The following EFNA5 variants were observed in gnomAD, a reference collection of about 807,000 sequenced individuals.
EFNA5 encodes ephrin A5, also known as ephrin-A5.
A neutral mutation model predicts 22.9 loss-of-function variants in EFNA5; 5 were observed. The observed-to-expected ratio is 0.22, with a 90% CI of 0.11 to 0.46. The LOEUF is 0.46. Among genes scored for constraint, EFNA5 ranks in the 20% least tolerant of loss-of-function variants. The pLI, the probability that EFNA5 is intolerant of heterozygous loss-of-function variation, is 0.99. For missense variants in EFNA5, 237 were observed against 293.3 expected (o/e 0.81, Z 1.40); for synonymous variants, 113 against 112.2 (o/e 1.01, Z -0.04).
At chr5:107,665,831 G>C (rs1295927897) in intron 1 of EFNA5, among the ~76,000 whole-genome samples, 1 of 152,064 alleles carries the variant, frequency 6.6e-6, no homozygotes, top group Admixed American at 6.6e-5. Flanking sequence ...ATTAAAAAGG[G>C]GGGAGGGTCA....
chr5:107,441,015 ATT>A (rs796829616), intron 1 of EFNA5, among the ~76,000 whole-genome samples: 3 of 139,812 alleles, frequency 2.1e-5, no homozygotes, highest in African/African-American at 5.2e-5. Flanking sequence ...AAAAACTTGG[ATT>A]TTTTTTTTTT....
In EFNA5 at chr5:107,511,041, T is replaced by TGTGTGTGTGTGTGA. The variant is rs1363882358; in HGVS notation, c.126-83533_126-83532insTCACACACACACAC. Among the ~76,000 whole-genome samples the TGTGTGTGTGTGTGA allele has an allele frequency of 1.5e-3, 224 of 149,836 alleles. 3 individuals carry two copies. The highest frequency in any genetic ancestry group is 5.3e-3 in the African/African-American group (214 of 40,140). On this transcript the variant is annotated intron_variant, in intron 1 of 4. Coordinates refer to ENST00000333274, the MANE Select transcript of EFNA5 (RefSeq NM_001962.3). ...GTGTGTGTGTGTGTGTGTGTGTGTG[T>TGTGTGTGTGTGTGA]GAGACGGAGAGTTTTGCTCTTGTTG... is the stretch of plus-strand genomic sequence containing the variant.
intron 2 of EFNA5, among the ~76,000 whole-genome samples, chr5:107,421,326 T>C (rs770825569): frequency 2.6e-5 from 4 of 152,210 alleles, no homozygotes; most frequent in South Asian, 4.1e-4. Context: ...ATATAACAAA[T>C]GCTGGAAAAA....
intron 1 of EFNA5, among the ~76,000 whole-genome samples, chr5:107,505,058 G>T (rs918874454): frequency 5.3e-5 from 8 of 151,994 alleles, no homozygotes; most frequent in African/African-American, 1.7e-4. Context: ...AATAATAAAG[G>T]ACAAGCTCTG....
rs554812763 is a variant in EFNA5, at chr5:107,635,926, C to T, written c.125+34563G>A. Among the ~76,000 whole-genome samples, 6 of 152,150 alleles carry T rather than the reference C, an allele frequency of 3.9e-5. No homozygotes were observed. In the South Asian group the frequency reaches 6.2e-4, roughly 16 times the overall value. On this transcript the variant is annotated intron_variant, in intron 1 of 4. Coordinates refer to ENST00000333274, the MANE Select transcript of EFNA5 (RefSeq NM_001962.3). The stretch of plus-strand genomic sequence containing the variant: ...ATGAAACTTCTCAGGGACAGTTAAA[C>T]CTAAGGGACATGGGTTGAAAATATT...
chr5:107,518,642 C>A (rs1747532597), intron 1 of EFNA5, among the ~76,000 whole-genome samples: 1 of 152,120 alleles, frequency 6.6e-6, no homozygotes, highest in African/African-American at 2.4e-5. Context: ...AGACAAGGTA[C>A]CACTGTAGCC....
In EFNA5 at chr5:107,462,113, C is replaced by T. The variant is rs544056560; in HGVS notation, c.126-34604G>A. On this transcript the variant is annotated intron_variant, in intron 1 of 4. Transcript: ENST00000333274. ...AATCCAGAAAATGCCAGGATGCAGA[C>T]GGACAGACACACACACCCCACGCAA... Among the ~76,000 whole-genome samples the T allele has an allele frequency of 5.3e-5, 8 of 152,122 alleles. No homozygotes were observed. In the South Asian group the frequency reaches 8.3e-4, roughly 16 times the overall value.
At chr5:107,638,764 G>A (rs1322050930) in intron 1 of EFNA5, among the ~76,000 whole-genome samples, 3 of 152,000 alleles carry the variant, frequency 2.0e-5, no homozygotes. Context: ...GGATACCGAG[G>A]GATGAATGTA....
intron 1 of EFNA5, among the ~76,000 whole-genome samples, chr5:107,498,454 C>T (rs555878799): frequency 1.1e-3 from 175 of 152,324 alleles, no homozygotes; most frequent in African/African-American, 4.0e-3. Flanking sequence ...CCATAATCCA[C>T]TTACTTTCTA....
chr5:107,540,564 A>G (rs1748022777), intron 1 of EFNA5, among the ~76,000 whole-genome samples: 1 of 152,194 alleles, frequency 6.6e-6, no homozygotes, highest in Admixed American at 6.5e-5. Flanking sequence ...CCCCCAATCA[A>G]TGAGGTAATC....
chr5:107,592,710 T>A (rs1749402167), intron 1 of EFNA5, among the ~76,000 whole-genome samples: 1 of 152,164 alleles, frequency 6.6e-6, no homozygotes, highest in South Asian at 2.1e-4. Context: ...GAATAGGACC[T>A]TTTCAATGTG....
intron 2 of EFNA5, among the ~76,000 whole-genome samples, chr5:107,424,423 G>T (rs1482122076): frequency 3.9e-4 from 58 of 149,156 alleles, no homozygotes; most frequent in African/African-American, 1.4e-3. Context: ...TCACTCTCTT[G>T]GCCAGGCTGG....
chr5:107,660,306 A>ATATATATATATATATC (rs1750925686), intron 1 of EFNA5, among the ~76,000 whole-genome samples: 2 of 96,824 alleles, frequency 2.1e-5, no homozygotes, highest in Non-Finnish European at 4.1e-5. Flanking sequence ...ATATATATAT[A>ATATATATATATATATC]TATATATATT....
At chr5:107,383,807 T>C (rs971915351) in intron 4 of EFNA5, among the ~76,000 whole-genome samples, 1 of 152,216 alleles carries the variant, frequency 6.6e-6, no homozygotes, top group Non-Finnish European at 1.5e-5. Context: ...AAGGAATAGA[T>C]CTTACAAGGT....
rs192749331 is a variant in EFNA5 at position 107,639,668 on chromosome 5, T to G, written c.125+30821A>C. ...AGCAGTGTGGTAGCTGGTAGTAGTA[T>G]TTTTTTTCTAATGGCATAGGTTAAT... On this transcript the variant is annotated intron_variant, in intron 1 of 4. Transcript: ENST00000333274. 1.4e-3 allele frequency among the ~76,000 whole-genome samples: 219 copies of G among 152,142 alleles called. 1 individual carries two copies. Among genetic ancestry groups the G allele is most frequent in the Non-Finnish European group, 2.8e-3 (188 of 67,984 alleles).
intron 1 of EFNA5, among the ~76,000 whole-genome samples, chr5:107,666,147 C>T (rs1261362135): frequency 6.6e-5 from 10 of 152,124 alleles, no homozygotes; most frequent in Non-Finnish European, 1.5e-5. Context: ...TCAATCTTTA[C>T]TCACAACAAA....
chr5:107,442,902 C>A (rs1456430859), intron 1 of EFNA5, among the ~76,000 whole-genome samples: 2 of 142,876 alleles, frequency 1.4e-5, no homozygotes, highest in Non-Finnish European at 3.0e-5. Context: ...TAGAAAACTT[C>A]CCGAGGAGCG....
intron 1 of EFNA5, among the ~76,000 whole-genome samples, chr5:107,491,574 G>A (rs1746807955): frequency 6.6e-6 from 1 of 152,190 alleles, no homozygotes; most frequent in African/African-American, 2.4e-5. Context: ...GCCTCCCAAA[G>A]TGCTGGGATT....
At chr5:107,558,092 C>A (rs1748462071) in intron 1 of EFNA5, among the ~76,000 whole-genome samples, 1 of 151,902 alleles carries the variant, frequency 6.6e-6, no homozygotes. Context: ...TAAAAAAAGT[C>A]TGAGAGGGGG....
Sources: allele counts gnomAD v4.1 joint callset (sites outside exome capture counted in the v4.1 genomes callset), GRCh38; gene constraint gnomAD v4.1.1; transcripts MANE v1.5; gene names NCBI Gene and HGNC (gene_info 2026-07-23, HGNC 2026-07-21).